SENP2: variants seen among roughly 807,000 people sequenced by gnomAD.
SENP2 encodes the protein SUMO specific peptidase 2, also known as sentrin-specific protease 2.
In SENP2, 16 loss-of-function variants were observed where a neutral mutation model predicts 86.3. The ratio of observed to expected loss-of-function variants is 0.19; its 90% CI spans 0.13 to 0.28. SENP2 has a LOEUF of 0.28. Among genes scored for constraint, SENP2 ranks in the 10% least tolerant of loss-of-function variants. The probability of loss-of-function intolerance (pLI) is 1.00; values close to 1 mark genes in which losing one functional copy is unlikely to be tolerated. For synonymous variants in SENP2, 222 were observed against 238.7 expected (o/e 0.93, Z 0.64); for missense variants, 552 against 703.0 (o/e 0.79, Z 2.43).
chr3:185,601,533 T>A (rs1171250954), intron 5 of SENP2, among the ~76,000 whole-genome samples: 1 of 152,178 alleles, frequency 6.6e-6, no homozygotes, highest in Admixed American at 6.6e-5. Flanking sequence ...AAAATGTTAT[T>A]ATTAATAGTT....
chr3:185,621,358 A>G (rs975202583), intron 13 of SENP2, among the ~76,000 whole-genome samples: 3 of 143,064 alleles, frequency 2.1e-5, no homozygotes, highest in African/African-American at 5.1e-5. Flanking sequence ...ATGTACCAAT[A>G]TAAGTGGATA....
intron 1 of SENP2, among the ~76,000 whole-genome samples, chr3:185,587,042 T>G (rs1471528077): frequency 6.6e-6 from 1 of 152,200 alleles, no homozygotes; most frequent in African/African-American, 2.4e-5. Context: ...GTAAAAAGGC[T>G]TAGGTGCCTC....
At chr3:185,626,441 A>C in intron 16 of SENP2, 48 bp downstream of exon 16, 2 of 1,345,258 alleles carry the variant, frequency 1.5e-6, no homozygotes, top group Non-Finnish European at 2.1e-6. Context: ...AAGCAAGATA[A>C]GGCACTTGGC....
At chr3:185,606,211 G>C (rs1722503722) in intron 5 of SENP2, 119 bp from the exon 6 acceptor site, 1 of 818,784 alleles carries the variant, frequency 1.2e-6, no homozygotes, top group African/African-American at 1.7e-5. Flanking sequence ...GTACTTGTCT[G>C]ACTTGCCAGG....
At chr3:185,600,968 T>G in intron 5 of SENP2, 113 bp downstream of exon 5, 11 of 656,182 alleles carry the variant, frequency 1.7e-5, no homozygotes, top group Non-Finnish European at 3.0e-5. Flanking sequence ...GCTCTGAGGT[T>G]AGTAACTTGC....
At chr3:185,590,228 A>G in intron 2 of SENP2, 59 bp downstream of exon 2, 1 of 879,276 alleles carries the variant, frequency 1.1e-6, no homozygotes, top group South Asian at 1.8e-5. Context: ...ATATGCATGG[A>G]ACAAAATTCA....
chr3:185,594,028 G>C (rs1307080330), intron 2 of SENP2, among the ~76,000 whole-genome samples: 1 of 151,828 alleles, frequency 6.6e-6, no homozygotes, highest in African/African-American at 2.4e-5. Context: ...TCACCCGGCT[G>C]TGTTTTCATT....
intron 15 of SENP2, among the ~76,000 whole-genome samples, chr3:185,624,768 T>C (rs1381093979): frequency 1.3e-5 from 2 of 150,556 alleles, no homozygotes; most frequent in East Asian, 4.0e-4. Flanking sequence ...TTCAGGAGGC[T>C]GAAGCAGGAG....
At chr3:185,618,740 A>G (rs1309911381) in intron 12 of SENP2, among the ~76,000 whole-genome samples, 1 of 152,042 alleles carries the variant, frequency 6.6e-6, no homozygotes, top group African/African-American at 2.4e-5. Context: ...TTAGCCAGGC[A>G]TGGTGGCGGG....
rs1394585306 is a variant in SENP2, at chr3:185,614,712, G to T, written c.1082G>T (p.Arg361Ile). 1 of 1,614,056 alleles carries T rather than the reference G, an allele frequency of 6.2e-7. No individual in the cohort carries two copies. Among genetic ancestry groups the T allele is most frequent in the Non-Finnish European group, 8.5e-7 (1 of 1,180,030 alleles). The change falls in exon 11 of 17, where the codon AGA becomes ATA. Residue 361 changes from arginine to isoleucine, a missense_variant. Coordinates refer to ENST00000296257, the MANE Select transcript of SENP2 (RefSeq NM_021627.3). ...TGCTCAGGCAAAGAGAGGGACAGAA[G>T]AACGGACGATCTCCTTGAACTTACA... ...KNCSGKERDR[R>I]TDDLLELTED...
intron 14 of SENP2, among the ~76,000 whole-genome samples, chr3:185,622,229 T>C (rs1711921383): frequency 6.6e-6 from 1 of 152,196 alleles, no homozygotes; most frequent in African/African-American, 2.4e-5. Context: ...TCTCAATTCT[T>C]AAGCCCATTT....
At chr3:185,597,953 C>CT (rs1251008162) in intron 2 of SENP2, among the ~76,000 whole-genome samples, 1 of 151,504 alleles carries the variant, frequency 6.6e-6, no homozygotes, top group African/African-American at 2.4e-5. Flanking sequence ...CACACCAGAC[C>CT]TAGGAAAGGA....
At chr3:185,626,274 C>T (rs1163450587) in intron 15 of SENP2, 24 bp from the exon 16 acceptor site, 1 of 1,500,664 alleles carries the variant, frequency 6.7e-7, no homozygotes, top group Non-Finnish European at 9.2e-7. Flanking sequence ...CCTTTCCTCT[C>T]TTCTTTTTTC....
At position 185,609,278 on chromosome 3, in the gene SENP2, G is replaced by T. The variant is rs368332244; in HGVS notation, c.650G>T (p.Arg217Leu). Reference protein sequence around the residue: ...GVQKEEREKYRKLLERLKESG... With the variant: ...GVQKEEREKYLKLLERLKESG... ...CAAAAAGAGGAAAGAGAGAAGTACC[G>T]AAAGTTATTGGAACGACTTAAAGAA... is the stretch of plus-strand genomic sequence containing the variant. Residue 217 changes from arginine to leucine, a missense_variant, in exon 7 of 17, where the codon CGA (arginine) becomes CTA (leucine). Physicochemically the swap from Arg to Leu is moderately radical, Grantham distance 102. Coordinates refer to ENST00000296257, the MANE Select transcript of SENP2 (RefSeq NM_021627.3). The T allele has an allele frequency of 1.8e-5, 29 of 1,613,610 alleles. No homozygotes were observed. Among genetic ancestry groups the T allele is most frequent in the Non-Finnish European group, 2.2e-5 (26 of 1,179,680 alleles).
At chr3:185,601,190 C>T (rs1007310677) in intron 5 of SENP2, among the ~76,000 whole-genome samples, 1 of 151,686 alleles carries the variant, frequency 6.6e-6, no homozygotes, top group Non-Finnish European at 1.5e-5. Flanking sequence ...ATTACAGGCA[C>T]CCCCACACCA....
chr3:185,591,774 A>C (rs1577716731), intron 2 of SENP2, among the ~76,000 whole-genome samples: 1 of 151,524 alleles, frequency 6.6e-6, no homozygotes, highest in East Asian at 1.9e-4. Flanking sequence ...TCTGTCACCC[A>C]GGCTGGGATG....
intron 2 of SENP2, among the ~76,000 whole-genome samples, chr3:185,594,174 A>C (rs191976989): frequency 7.9e-5 from 12 of 152,044 alleles, no homozygotes; most frequent in South Asian, 2.1e-4. Context: ...TTAAAAAAAA[A>C]AAACACACAC....
At chr3:185,596,901 T>C (rs1269809992) in intron 2 of SENP2, among the ~76,000 whole-genome samples, 1 of 152,232 alleles carries the variant, frequency 6.6e-6, no homozygotes, top group Non-Finnish European at 1.5e-5. Context: ...TCATCCAGGC[T>C]GGAGTGCAAT....
At position 185,599,000 on chromosome 3, in the gene SENP2, T is replaced by A; in HGVS notation, c.334T>A (p.Ser112Thr). Residue 112 changes from serine (S) to threonine (T), a missense_variant, in exon 4 of 17, where the codon TCC (serine) becomes ACC (threonine). By Grantham distance (58) the Ser-to-Thr change is moderately conservative. This residue lies in a region of SENP2 where 383 missense variants were observed against 427.3 expected (regional missense o/e 0.90). Coordinates refer to ENST00000296257, the MANE Select transcript of SENP2 (RefSeq NM_021627.3). Reference protein sequence around the residue: ...SSSCELTGSGSWNNMLKLGNK... With the variant: ...SSSCELTGSGTWNNMLKLGNK... Reference sequence around the variant, plus strand: ...ATCTTGTGAACTGACAGGTTCTGGATCCTGGAACAACATGCTGAAACTGGG... The same window carrying A: ...ATCTTGTGAACTGACAGGTTCTGGAACCTGGAACAACATGCTGAAACTGGG... 6.2e-7 allele frequency: 1 copy of A among 1,613,094 alleles called. No homozygotes were observed. Among genetic ancestry groups the A allele is most frequent in the Non-Finnish European group, 8.5e-7 (1 of 1,179,734 alleles).
Sources: gnomAD v4.1 joint callset for allele counts (sites outside exome capture counted in the v4.1 genomes callset) on GRCh38, gnomAD v4.1.1 for gene constraint, gnomAD v4.1.1 regional missense constraint, MANE v1.5 for transcripts, NCBI Gene and HGNC (gene_info 2026-07-23, HGNC 2026-07-21) for gene names.